Variants in ARMC8 observed in about 807,000 individuals in gnomAD.
ARMC8 encodes armadillo repeat-containing protein 8.
In ARMC8, 20 loss-of-function variants were observed where a neutral mutation model predicts 99.3. The ratio of observed to expected loss-of-function variants is 0.20; its 90% CI spans 0.14 to 0.29. The LOEUF is 0.29. Ranked by LOEUF, ARMC8 falls within the 10% of genes least tolerant of loss-of-function variation. The pLI, the probability that ARMC8 is intolerant of heterozygous loss-of-function variation, is 1.00. For synonymous variants in ARMC8, 263 were observed against 278.3 expected (o/e 0.95, Z 0.55); for missense variants, 569 against 809.5 (o/e 0.70, Z 3.60).
At chr3:138,264,010 G>A (rs2048010448) in intron 13 of ARMC8, 121 bp from the exon 14 acceptor site, 3 of 1,009,142 alleles carry the variant, frequency 3.0e-6, no homozygotes, top group African/African-American at 3.2e-5. Flanking sequence ...GTCTGATGTA[G>A]TTCACTTAAC....
intron 1 of ARMC8, among the ~76,000 whole-genome samples, chr3:138,205,384 T>G (rs975881538): frequency 3.9e-5 from 6 of 152,022 alleles, no homozygotes; most frequent in African/African-American, 1.4e-4. Flanking sequence ...GGGAAGTAAG[T>G]GTTACCCTTG....
intron 1 of ARMC8, among the ~76,000 whole-genome samples, chr3:138,195,593 G>A (rs1389768366): frequency 1.3e-5 from 2 of 152,158 alleles, no homozygotes; most frequent in African/African-American, 2.4e-5. Context: ...AGACAGGAAT[G>A]TCAGTGATTC....
intron 15 of ARMC8, among the ~76,000 whole-genome samples, chr3:138,268,842 AT>A (rs1158284296): frequency 6.6e-6 from 1 of 151,928 alleles, no homozygotes. Context: ...CTATAAGAGC[AT>A]TTTTTTTGTG....
chr3:138,272,201 A>G (rs1334091150), intron 16 of ARMC8, among the ~76,000 whole-genome samples: 2 of 152,200 alleles, frequency 1.3e-5, no homozygotes, highest in Non-Finnish European at 2.9e-5. Flanking sequence ...CACCTACCAT[A>G]GTATTGTGAA....
intron 21 of ARMC8, among the ~76,000 whole-genome samples, chr3:138,292,526 G>A (rs1316289748): frequency 1.3e-5 from 2 of 152,140 alleles, no homozygotes; most frequent in East Asian, 3.8e-4. Flanking sequence ...AAGCACCAAC[G>A]GGACTTACTC....
intron 9 of ARMC8, chr3:138,238,778 T>C (rs2046461411): frequency 6.6e-6 from 1 of 152,204 alleles, no homozygotes; most frequent in South Asian, 2.1e-4. Flanking sequence ...ACGTGAGATG[T>C]TTTAATTTTT....
chr3:138,273,829 T>G (rs571116343), intron 17 of ARMC8, among the ~76,000 whole-genome samples: 2 of 152,164 alleles, frequency 1.3e-5, no homozygotes, highest in African/African-American at 4.8e-5. Flanking sequence ...CCCTTTTTTT[T>G]TTTTTGAGAC....
intron 12 of ARMC8, among the ~76,000 whole-genome samples, chr3:138,258,788 T>A (rs552827741): frequency 6.6e-6 from 1 of 152,302 alleles, no homozygotes; most frequent in Admixed American, 6.5e-5. Context: ...GGATGCAACA[T>A]TTTTTGTGTT....
At chr3:138,196,963 G>A (rs562746516) in intron 1 of ARMC8, among the ~76,000 whole-genome samples, 4 of 152,268 alleles carry the variant, frequency 2.6e-5, no homozygotes, top group Admixed American at 6.5e-5. Flanking sequence ...TTATGTGTGG[G>A]AATTGTTTCT....
At chr3:138,200,904 CTTTTTTTTT>C (rs34087212) in intron 1 of ARMC8, among the ~76,000 whole-genome samples, 6 of 63,378 alleles carry the variant, frequency 9.5e-5, no homozygotes, top group East Asian at 1.2e-3. Context: ...CTTCAGTGGG[CTTTTTTTTT>C]TTTTTTTTTT....
At chr3:138,257,587 T>C (rs1436118529) in intron 12 of ARMC8, among the ~76,000 whole-genome samples, 2 of 152,144 alleles carry the variant, frequency 1.3e-5, no homozygotes, top group Non-Finnish European at 2.9e-5. Flanking sequence ...TTCTCTTTCC[T>C]CCCTAGTCTC....
chr3:138,209,261 C>T (rs533683248), intron 1 of ARMC8, among the ~76,000 whole-genome samples: 116 of 152,272 alleles, frequency 7.6e-4, no homozygotes, highest in African/African-American at 2.7e-3. Flanking sequence ...AACATATTTG[C>T]CTAGGTCTTC....
chr3:138,282,140 C>A (rs970264499), intron 18 of ARMC8, among the ~76,000 whole-genome samples: 1 of 152,210 alleles, frequency 6.6e-6, no homozygotes, highest in Admixed American at 6.5e-5. Context: ...TAAAGCCTGG[C>A]AGAGACTGGT....
chr3:138,224,556 C>T (rs1327380134), intron 5 of ARMC8, among the ~76,000 whole-genome samples: 1 of 152,196 alleles, frequency 6.6e-6, no homozygotes, highest in Non-Finnish European at 1.5e-5. Flanking sequence ...TCGAGACCAG[C>T]CTGGCCAACA....
chr3:138,195,004 G>T (rs2107961463), intron 1 of ARMC8, among the ~76,000 whole-genome samples: 1 of 152,268 alleles, frequency 6.6e-6, no homozygotes, highest in South Asian at 2.1e-4. Flanking sequence ...GCCAGGTGCA[G>T]TGGCTCACAC....
chr3:138,288,004 A>G (rs1347166155), intron 19 of ARMC8: 1 of 173,564 alleles, frequency 5.8e-6, no homozygotes, highest in Non-Finnish European at 1.2e-5. Flanking sequence ...TAAGAATTGT[A>G]TTTAGAAGAA....
At chr3:138,217,192 G>A (rs1047081370) in intron 2 of ARMC8, among the ~76,000 whole-genome samples, 6 of 152,042 alleles carry the variant, frequency 3.9e-5, no homozygotes, top group South Asian at 2.1e-4. Context: ...ACATATCCCC[G>A]TCGTCAAATA....
intron 2 of ARMC8, among the ~76,000 whole-genome samples, chr3:138,210,524 T>C (rs2044632969): frequency 6.6e-6 from 1 of 152,192 alleles, no homozygotes; most frequent in Admixed American, 6.5e-5. Context: ...TATCATACTC[T>C]TAGCGCATTA....
chr3:138,270,886 T>G (rs548273888), intron 16 of ARMC8, among the ~76,000 whole-genome samples: 1 of 152,332 alleles, frequency 6.6e-6, no homozygotes, highest in East Asian at 1.9e-4. Flanking sequence ...AAAACATATT[T>G]ATACTATTTA....
Sources: gnomAD v4.1 joint callset for allele counts (sites outside exome capture counted in the v4.1 genomes callset) on GRCh38, gnomAD v4.1.1 for gene constraint, MANE v1.5 for transcripts, NCBI Gene and HGNC (gene_info 2026-07-23, HGNC 2026-07-21) for gene names.